Variants in CNNM4 observed in about 807,000 individuals in gnomAD.
CNNM4 encodes the protein metal transporter CNNM4.
Under a neutral mutation model 53.7 loss-of-function variants are expected in CNNM4, and 32 were observed. The observed-to-expected ratio is 0.60, with a 90% CI of 0.45 to 0.80. The LOEUF (loss-of-function observed/expected upper bound fraction) is 0.80. CNNM4 is among the 30% of genes least tolerant of loss of function. CNNM4 has a pLI of 0.00. For synonymous variants in CNNM4, 410 were observed against 440.0 expected, an observed-to-expected ratio of 0.93 and a Z score of 0.85; for missense variants, 784 against 1,022.0, an observed-to-expected ratio of 0.77 and a Z score of 3.17.
Position 96,761,014 on chromosome 2 carries a change from C to T in CNNM4, c.15C>T (p.Gly5=). The part of the protein sequence containing the change: MAPV[G]GGGRPVGGPA... ...GCCAGAGCAACATGGCGCCGGTGGGCGGGGGCGGGCGCCCGGTCGGCGGAC... is the reference window on the plus strand; with the variant it reads ...GCCAGAGCAACATGGCGCCGGTGGGTGGGGGCGGGCGCCCGGTCGGCGGAC... The change falls in exon 1 of 7, where the codon GGC becomes GGT. Residue 5 remains glycine, a synonymous_variant. Transcript: ENST00000377075. The surrounding 1 kb of genome is among the most constrained non-coding windows in gnomAD (Gnocchi z 6.0). The T allele has an allele frequency of 8.5e-7, 1 of 1,173,810 alleles. No individual in the cohort carries two copies. The highest frequency in any genetic ancestry group is 1.1e-6 in the Non-Finnish European group (1 of 950,614). 72.7% of individuals were successfully genotyped at this position (1,173,810 alleles called of 1,614,324 possible). A position where few individuals can be genotyped will look rare whatever the true frequency, so the allele number is the denominator to read the frequency against.
chr2:96,777,064 C>T (rs1039485399), intron 1 of CNNM4, among the ~76,000 whole-genome samples: 2 of 151,810 alleles, frequency 1.3e-5, no homozygotes, highest in Non-Finnish European at 2.9e-5. Context: ...CTTGTTGCCC[C>T]GGCTGGAGTG....
chr2:96,801,256 A>C lies in CNNM4; in HGVS notation c.1948+1608A>C, dbSNP rs1023917665. ...TGCTCAATGTGGGCCGCCAGACCTC[A>C]GTGGCTCTGCTTGGCTGGGGCCCAA... On this transcript the variant is annotated intron_variant, in intron 5 of 6. Transcript: ENST00000377075. This position sits in a 1 kb window ranked among gnomAD's most constrained non-coding sequence, Gnocchi z 5.6. 1 of 451,440 alleles carries C rather than the reference A, an allele frequency of 2.2e-6. No individual in the cohort carries two copies. The highest frequency in any genetic ancestry group is 2.9e-6 in the Non-Finnish European group (1 of 341,924). The allele number at this position is 451,440 out of a possible 1,614,324, so 28.0% of individuals were successfully genotyped here.
intron 1 of CNNM4, among the ~76,000 whole-genome samples, chr2:96,787,120 C>T (rs1300458938): frequency 1.3e-5 from 2 of 152,188 alleles, no homozygotes. Flanking sequence ...GCAGGCCCTC[C>T]TGGGCACACC....
Position 96,808,543 on chromosome 2 carries a change from C to T in CNNM4, c.1949-18C>T, listed in dbSNP as rs764685348. 1.1e-5 allele frequency: 18 copies of T among 1,613,860 alleles called. No homozygotes were observed. Among genetic ancestry groups the T allele is most frequent in the Admixed American group, 1.0e-4 (6 of 59,992 alleles). ...ATCGGAGTGGCCTTTGGCATGACAA[C>T]CTCTGCTCTCCCTGCAGACCGTTCC... On this transcript the variant is annotated intron_variant, in intron 5 of 6. Coordinates refer to ENST00000377075, the MANE Select transcript of CNNM4 (RefSeq NM_020184.4). This position sits in a 1 kb window ranked among gnomAD's most constrained non-coding sequence, Gnocchi z 4.9.
intron 1 of CNNM4, among the ~76,000 whole-genome samples, chr2:96,786,541 G>T (rs1574069472): frequency 6.6e-6 from 1 of 151,762 alleles, no homozygotes; most frequent in Admixed American, 6.6e-5. Context: ...CACTTTGGGA[G>T]GCCCAGGTGG....
intron 1 of CNNM4, among the ~76,000 whole-genome samples, chr2:96,763,914 G>C (rs1291704378): frequency 6.6e-6 from 1 of 152,006 alleles, no homozygotes; most frequent in East Asian, 1.9e-4. Context: ...TGGGAGTGCA[G>C]ACCCAGGAAT....
intron 1 of CNNM4, among the ~76,000 whole-genome samples, chr2:96,779,921 G>A (rs2078959094): frequency 6.6e-6 from 1 of 151,706 alleles, no homozygotes; most frequent in Non-Finnish European, 1.5e-5. Context: ...TCCTGCCTCA[G>A]CCTCCTGAGT....
rs1317443020 is a variant in CNNM4 at position 96,762,924 on chromosome 2, TA to T, written c.1402+524del. Among the ~76,000 whole-genome samples the T allele has an allele frequency of 7.2e-5, 11 of 152,060 alleles. No homozygotes were observed. In the East Asian group the frequency reaches 2.1e-3, roughly 29 times the overall value. On this transcript the variant is annotated intron_variant, in intron 1 of 6. Coordinates refer to ENST00000377075, the MANE Select transcript of CNNM4 (RefSeq NM_020184.4). ...AGCAGGTGGTCCTGTTTGGTGGGTA[TA>T]GTGGCTCTGATGCTTAGTGGTCAAT... is the stretch of plus-strand genomic sequence containing the variant.
At position 96,797,666 on chromosome 2, in the gene CNNM4, T is replaced by A. The variant is rs2079116839; in HGVS notation, c.1681+19T>A. The stretch of plus-strand genomic sequence containing the variant: ...GCCACAGGTAGCATGAGGAGGACCT[T>A]CCGGTCTTGGTGGAAATACGGTCAC... On this transcript the variant is annotated intron_variant, in intron 3 of 6. Transcript: ENST00000377075. This position sits in a 1 kb window ranked among gnomAD's most constrained non-coding sequence, Gnocchi z 6.0. 1 of 1,613,412 alleles carries A rather than the reference T, an allele frequency of 6.2e-7. No homozygotes were observed. Among genetic ancestry groups the A allele is most frequent in the South Asian group, 1.1e-5 (1 of 91,074 alleles).
rs1416938150 is a variant in CNNM4 at position 96,801,732 on chromosome 2, ACACACACCCAGAGAC to A, written c.1948+2097_1948+2111del. On this transcript the variant is annotated intron_variant, in intron 5 of 6. Transcript: ENST00000377075. This position sits in a 1 kb window ranked among gnomAD's most constrained non-coding sequence, Gnocchi z 5.6. ...GAGAGACCACACACATGCAGAGACCACACACACCCAGAGACCACACACCCAGACACACACACAGAC... is the reference window on the plus strand; with the variant it reads ...GAGAGACCACACACATGCAGAGACCACACACACCCAGACACACACACAGAC... 2.0e-5 allele frequency among the ~76,000 whole-genome samples: 3 copies of A among 149,632 alleles called. No individual in the cohort carries two copies. The highest frequency in any genetic ancestry group is 2.0e-4 in the Admixed American group (3 of 15,092).
intron 4 of CNNM4, 144 bp from the exon 5 acceptor site, chr2:96,799,408 A>G (rs1384678464): frequency 9.1e-7 from 1 of 1,095,314 alleles, no homozygotes; most frequent in South Asian, 1.3e-5. Flanking sequence ...TCTTGATCTC[A>G]CAGGTCAGGC....
intron 1 of CNNM4, among the ~76,000 whole-genome samples, chr2:96,777,314 C>T (rs1333960047): frequency 2.0e-5 from 3 of 151,600 alleles, no homozygotes; most frequent in Non-Finnish European, 4.4e-5. Flanking sequence ...CCACTGCGCC[C>T]GGCCTGTTGC....
chr2:96,796,097 C>G (rs2079100688), intron 1 of CNNM4, among the ~76,000 whole-genome samples: 1 of 143,956 alleles, frequency 6.9e-6, no homozygotes, highest in African/African-American at 2.6e-5. Context: ...CCCAAGAGTT[C>G]CAGAAGCCCC....
intron 5 of CNNM4, among the ~76,000 whole-genome samples, chr2:96,806,535 A>ACACACGCACG (rs374638753): frequency 8.1e-6 from 1 of 123,944 alleles, no homozygotes; most frequent in Admixed American, 7.9e-5. Flanking sequence ...ACACACACAC[A>ACACACGCACG]CGCGCGCGCG....
chr2:96,769,639 A>T (rs1412497080), intron 1 of CNNM4, among the ~76,000 whole-genome samples: 1 of 151,588 alleles, frequency 6.6e-6, no homozygotes, highest in Non-Finnish European at 1.5e-5. Flanking sequence ...AGCCAGGCTG[A>T]GGCGACTCCT....
intron 1 of CNNM4, among the ~76,000 whole-genome samples, chr2:96,766,590 C>T (rs1207911151): frequency 2.6e-5 from 4 of 152,164 alleles, no homozygotes; most frequent in African/African-American, 4.8e-5. Flanking sequence ...GATTTCTTCT[C>T]TTCTCGTAGC....
At chr2:96,764,002 A>T (rs1205501420) in intron 1 of CNNM4, among the ~76,000 whole-genome samples, 1 of 146,156 alleles carries the variant, frequency 6.8e-6, no homozygotes, top group Non-Finnish European at 1.5e-5. Context: ...AAGCCTTGGG[A>T]CCTGAAGACT....
At chr2:96,796,971 G>T in intron 1 of CNNM4, 41 bp from the exon 2 acceptor site, 2 of 1,608,468 alleles carry the variant, frequency 1.2e-6, no homozygotes, top group Non-Finnish European at 1.7e-6. Flanking sequence ...TCTCATGACT[G>T]GCCTCTGGGC....
chr2:96,794,138 A>G (rs2079084115), intron 1 of CNNM4, among the ~76,000 whole-genome samples: 1 of 152,094 alleles, frequency 6.6e-6, no homozygotes, highest in African/African-American at 2.4e-5. Context: ...AACCTTGTCA[A>G]AGAACACACC....
Sources: allele counts gnomAD v4.1 joint callset (sites outside exome capture counted in the v4.1 genomes callset), GRCh38; gene constraint gnomAD v4.1.1; non-coding constraint Gnocchi (gnomAD v3.1); transcripts MANE v1.5; gene names NCBI Gene and HGNC (gene_info 2026-07-23, HGNC 2026-07-21).